Variants in SULF1 observed in about 807,000 individuals in gnomAD.
The protein encoded by SULF1 is extracellular sulfatase Sulf-1.
A neutral mutation model predicts 110.5 loss-of-function variants in SULF1; 46 were observed. That is an observed-to-expected ratio of 0.42 (90% CI 0.33 to 0.53). SULF1 has a LOEUF of 0.53. SULF1 is among the 20% of genes least tolerant of loss of function. The probability of loss-of-function intolerance (pLI) is 0.12; values close to 1 mark genes in which losing one functional copy is unlikely to be tolerated. For synonymous variants in SULF1, 371 were observed against 387.1 expected, an observed-to-expected ratio of 0.96 and a Z score of 0.49; for missense variants, 941 against 1,094.2, an observed-to-expected ratio of 0.86 and a Z score of 1.98.
intron 3 of SULF1, among the ~76,000 whole-genome samples, chr8:69,562,585 C>T (rs1427582655): frequency 6.6e-6 from 1 of 152,048 alleles, no homozygotes. Context: ...TGCTATCTTT[C>T]CAAGAGAAAA....
At chr8:69,654,950 T>A (rs754844901) in intron 22 of SULF1, among the ~76,000 whole-genome samples, 4 of 152,214 alleles carry the variant, frequency 2.6e-5, no homozygotes, top group Admixed American at 1.3e-4. Context: ...AATGTGTCCT[T>A]TCATCTGAAG....
In SULF1 at chr8:69,585,734, G is replaced by A. The variant is rs571484921; in HGVS notation, c.413-623G>A. Among the ~76,000 whole-genome samples the A allele has an allele frequency of 7.2e-5, 11 of 151,968 alleles. No individual in the cohort carries two copies. In the East Asian group the frequency reaches 1.7e-3, roughly 24 times the overall value. ...CTATGTTGACAGAATTTTTATTATC[G>A]ATAATAGATGTATACATTCATAAAA... On this transcript the variant is annotated intron_variant, in intron 6 of 22. Coordinates refer to ENST00000402687, the MANE Select transcript of SULF1 (RefSeq NM_001128205.2).
intron 5 of SULF1, among the ~76,000 whole-genome samples, chr8:69,566,666 C>T (rs1021803114): frequency 1.3e-5 from 2 of 152,104 alleles, no homozygotes; most frequent in East Asian, 3.9e-4. Context: ...GCCTGGCCAA[C>T]ATAGTGAAAC....
intron 1 of SULF1, among the ~76,000 whole-genome samples, chr8:69,485,033 G>A (rs916419681): frequency 6.6e-6 from 1 of 152,112 alleles, no homozygotes; most frequent in Non-Finnish European, 1.5e-5. Context: ...GCCCATCACA[G>A]CTGCCCTCTG....
chr8:69,601,943 GT>G, intron 10 of SULF1, 114 bp downstream of exon 10: 1 of 1,068,482 alleles, frequency 9.4e-7, no homozygotes, highest in Non-Finnish European at 1.3e-6. Flanking sequence ...AAAAGGATGT[GT>G]GTAGGCTGGT....
intron 3 of SULF1, among the ~76,000 whole-genome samples, chr8:69,502,232 T>A (rs528544806): frequency 2.6e-5 from 4 of 152,100 alleles, no homozygotes; most frequent in African/African-American, 4.8e-5. Context: ...ATCTAAACAA[T>A]CATATGACTA....
intron 14 of SULF1, among the ~76,000 whole-genome samples, chr8:69,623,068 A>T (rs1358679215): frequency 6.6e-6 from 1 of 152,176 alleles, no homozygotes; most frequent in Non-Finnish European, 1.5e-5. Context: ...TAAAGTTCTT[A>T]TCTGGTACAC....
At chr8:69,494,415 T>C (rs1454330479) in intron 1 of SULF1, among the ~76,000 whole-genome samples, 1 of 152,190 alleles carries the variant, frequency 6.6e-6, no homozygotes. Flanking sequence ...CAGTATTTAT[T>C]AACACACATG....
chr8:69,589,641 T>C (rs570622346), intron 8 of SULF1, among the ~76,000 whole-genome samples: 1 of 152,184 alleles, frequency 6.6e-6, no homozygotes, highest in South Asian at 2.1e-4. Flanking sequence ...AGAGGGCTTC[T>C]CAGGTCACAG....
intron 19 of SULF1, among the ~76,000 whole-genome samples, chr8:69,633,494 A>T (rs1810745762): frequency 6.6e-6 from 1 of 151,282 alleles, no homozygotes; most frequent in Admixed American, 6.6e-5. Flanking sequence ...ACGCCTAGCT[A>T]ATTTTTTTGT....
chr8:69,554,981 AAAAAAAAAAAAAAAAAAC>A (rs1397821951), intron 3 of SULF1, among the ~76,000 whole-genome samples: 6 of 96,112 alleles, frequency 6.2e-5, no homozygotes, highest in South Asian at 3.5e-4. Flanking sequence ...TCCATCTCAA[AAAAAAAAAAAAAAAAAAC>A]AAAAAAAAAA....
Position 69,621,049 on chromosome 8 carries a change from T to C in SULF1, c.1392T>C (p.Ile464=). Residue 464 remains isoleucine, a synonymous_variant, in exon 14 of 23, where the codon ATT becomes ATC. Coordinates refer to ENST00000402687, the MANE Select transcript of SULF1 (RefSeq NM_001128205.2). The part of the protein sequence containing the change: ...CEQPGQKWQC[I]EDTSGKLRIH... The stretch of plus-strand genomic sequence containing the variant: ...GGCTTTTGCAGAAGTGGCAATGCAT[T>C]GAGGATACATCTGGCAAGCTTCGAA... 1 of 1,609,096 alleles carries C rather than the reference T, an allele frequency of 6.2e-7. No homozygotes were observed. Among genetic ancestry groups the C allele is most frequent in the Middle Eastern group, 1.7e-4 (1 of 6,034 alleles).
chr8:69,601,600 C>A, intron 9 of SULF1, 54 bp from the exon 10 acceptor site: 2 of 1,453,322 alleles, frequency 1.4e-6, no homozygotes, highest in Non-Finnish European at 1.9e-6. Flanking sequence ...CACTATTGAG[C>A]ATCATCTTAT....
chr8:69,619,779 G>T (rs548387893), intron 13 of SULF1, among the ~76,000 whole-genome samples: 2 of 152,324 alleles, frequency 1.3e-5, no homozygotes, highest in South Asian at 2.1e-4. Flanking sequence ...CCTGATGAGA[G>T]GGGGAGCACG....
upstream of SULF1, among the ~76,000 whole-genome samples, chr8:69,487,892 G>A (rs2150550025): frequency 6.6e-6 from 1 of 152,302 alleles, no homozygotes; most frequent in African/African-American, 2.4e-5. Flanking sequence ...CGAAAAGCAT[G>A]TCAGTGAGTA....
chr8:69,627,933 C>A, intron 17 of SULF1, 67 bp downstream of exon 17: 1 of 1,212,910 alleles, frequency 8.2e-7, no homozygotes, highest in Non-Finnish European at 1.2e-6. Flanking sequence ...GGCATTAGCA[C>A]TGGGCTCATT....
chr8:69,573,089 A>G (rs1369614594), intron 5 of SULF1, among the ~76,000 whole-genome samples: 1 of 152,196 alleles, frequency 6.6e-6, no homozygotes, highest in Admixed American at 6.5e-5. Flanking sequence ...GGCCTCCCAA[A>G]GTGCCGGGAT....
intron 5 of SULF1, among the ~76,000 whole-genome samples, chr8:69,571,863 C>T (rs76623212): frequency 0.01 from 1,579 of 152,234 alleles, 29 homozygotes; most frequent in African/African-American, 0.036. Context: ...AAAAGGTGCT[C>T]GATGCTTTCC....
Position 69,627,760 on chromosome 8 carries a change from C to T in SULF1, c.1948-12C>T, listed in dbSNP as rs768232233. 2 of 1,572,840 alleles carry T rather than the reference C, an allele frequency of 1.3e-6. No homozygotes were observed. The highest frequency in any genetic ancestry group is 1.7e-6 in the Non-Finnish European group (2 of 1,149,336). On this transcript the variant is annotated splice_polypyrimidine_tract_variant and intron_variant, in intron 16 of 22. Coordinates refer to ENST00000402687, the MANE Select transcript of SULF1 (RefSeq NM_001128205.2). ...ATCTTAATACGTAAGTGCTTGAAAA[C>T]ATGTTTTCCAGATTGAAGCTCTGCA...
Sources: allele counts gnomAD v4.1 joint callset (sites outside exome capture counted in the v4.1 genomes callset), GRCh38; gene constraint gnomAD v4.1.1; transcripts MANE v1.5; gene names NCBI Gene and HGNC (gene_info 2026-07-23, HGNC 2026-07-21).